KCNAB1: variants seen among roughly 807,000 people sequenced by gnomAD.
The protein encoded by KCNAB1 is voltage-gated potassium channel subunit beta-1.
In KCNAB1, 35 loss-of-function variants were observed where a neutral mutation model predicts 64.6. That is an observed-to-expected ratio of 0.54 (90% confidence interval 0.41 to 0.72). The LOEUF (loss-of-function observed/expected upper bound fraction) is 0.72. Among genes scored for constraint, KCNAB1 ranks in the 30% least tolerant of loss-of-function variants. KCNAB1 has a pLI of 0.00. For synonymous variants in KCNAB1, 177 were observed against 183.8 expected, an observed-to-expected ratio of 0.96 and a Z score of 0.30; for missense variants, 401 against 512.9, an observed-to-expected ratio of 0.78 and a Z score of 2.11.
intron 2 of KCNAB1, among the ~76,000 whole-genome samples, chr3:156,443,778 ACACT>A (rs1488972206): frequency 6.9e-5 from 10 of 144,208 alleles, no homozygotes; most frequent in African/African-American, 2.2e-4. Context: ...ACACACACAC[ACACT>A]ATTCTTTACT....
chr3:156,260,105 G>A (rs1387944274), intron 1 of KCNAB1, among the ~76,000 whole-genome samples: 2 of 152,076 alleles, frequency 1.3e-5, no homozygotes, highest in Non-Finnish European at 2.9e-5. Flanking sequence ...TTCTGTCTAG[G>A]ACTTCCCAGA....
intron 1 of KCNAB1, among the ~76,000 whole-genome samples, chr3:156,404,149 G>A (rs776351629): frequency 1.1e-4 from 16 of 152,314 alleles, no homozygotes; most frequent in East Asian, 1.9e-4. Flanking sequence ...CAAGTTTAAA[G>A]TGAAATTACT....
chr3:156,354,500 G>GC (rs1725100792), intron 1 of KCNAB1, among the ~76,000 whole-genome samples: 1 of 151,918 alleles, frequency 6.6e-6, no homozygotes, highest in Non-Finnish European at 1.5e-5. Context: ...AAATCACCGG[G>GC]CCCGAACACA....
At chr3:156,176,405 G>C in intron 1 of KCNAB1, 2 of 784,180 alleles carry the variant, frequency 2.6e-6, no homozygotes, top group Non-Finnish European at 4.7e-6. Flanking sequence ...CTGTGCCATC[G>C]TCACTGCTAG....
intron 1 of KCNAB1, among the ~76,000 whole-genome samples, chr3:156,286,639 T>C (rs1332410980): frequency 6.6e-6 from 1 of 152,236 alleles, no homozygotes; most frequent in South Asian, 2.1e-4. Context: ...TTTGAAAATG[T>C]TGGTAAAAGA....
chr3:156,438,176 G>T lies in KCNAB1; in HGVS notation c.320-14723G>T, dbSNP rs16826154. 9.6e-3 allele frequency among the ~76,000 whole-genome samples: 1,459 copies of T among 152,280 alleles called. 13 individuals are homozygous for T. Among genetic ancestry groups the T allele is most frequent in the African/African-American group, 0.034 (1,397 of 41,550 alleles). On this transcript the variant is annotated intron_variant, in intron 2 of 13. Transcript: ENST00000490337. ...TGGCTTCCTGTGCAGCTGAAAGGTGGCCTGGCTCCCCACCTAAGTTACTTG... is the reference window on the plus strand; with the variant it reads ...TGGCTTCCTGTGCAGCTGAAAGGTGTCCTGGCTCCCCACCTAAGTTACTTG...
intron 2 of KCNAB1, 31 bp downstream of exon 2, chr3:156,421,690 G>C: frequency 6.2e-7 from 1 of 1,608,790 alleles, no homozygotes; most frequent in African/African-American, 1.3e-5. Flanking sequence ...CTGGGGGTGG[G>C]CTGGAAGGTG....
intron 4 of KCNAB1, among the ~76,000 whole-genome samples, chr3:156,458,304 C>G (rs1712608401): frequency 6.6e-6 from 1 of 152,174 alleles, no homozygotes; most frequent in Admixed American, 6.5e-5. Flanking sequence ...CCCAGCCTAA[C>G]CAGCACATTT....
intron 1 of KCNAB1, among the ~76,000 whole-genome samples, chr3:156,289,878 T>C (rs1720297286): frequency 6.6e-6 from 1 of 152,202 alleles, no homozygotes; most frequent in South Asian, 2.1e-4. Context: ...ATCACGTAGA[T>C]AGATTGTGTG....
At chr3:156,345,456 C>T (rs1223850756) in intron 1 of KCNAB1, among the ~76,000 whole-genome samples, 1 of 152,162 alleles carries the variant, frequency 6.6e-6, no homozygotes, top group Non-Finnish European at 1.5e-5. Context: ...TTATGGCCTA[C>T]AAAGCTAAAG....
At chr3:156,155,338 A>G (rs1314036944) in intron 1 of KCNAB1, among the ~76,000 whole-genome samples, 2 of 152,192 alleles carry the variant, frequency 1.3e-5, no homozygotes, top group African/African-American at 2.4e-5. Flanking sequence ...TCTGCTTTTT[A>G]AAGGATTTAA....
At chr3:156,445,502 C>A (rs957035296) in intron 2 of KCNAB1, among the ~76,000 whole-genome samples, 6 of 152,128 alleles carry the variant, frequency 3.9e-5, no homozygotes, top group Admixed American at 2.6e-4. Flanking sequence ...TTTATATCCC[C>A]CCAGGATATT....
chr3:156,310,521 C>T (rs1721817277), intron 1 of KCNAB1, among the ~76,000 whole-genome samples: 2 of 152,168 alleles, frequency 1.3e-5, no homozygotes, highest in Non-Finnish European at 2.9e-5. Context: ...ATCAGCTTAC[C>T]TGCTGGGCAT....
intron 1 of KCNAB1, among the ~76,000 whole-genome samples, chr3:156,397,654 T>C (rs945508682): frequency 6.6e-6 from 1 of 152,112 alleles, no homozygotes; most frequent in East Asian, 1.9e-4. Flanking sequence ...TTACTTTACT[T>C]TGGTGTATTA....
At chr3:156,405,387 G>C (rs1353409962) in intron 1 of KCNAB1, among the ~76,000 whole-genome samples, 1 of 152,146 alleles carries the variant, frequency 6.6e-6, no homozygotes, top group Non-Finnish European at 1.5e-5. Context: ...TCTTCACAAG[G>C]GTTCGTCTTA....
At chr3:156,400,099 C>T (rs1215088722) in intron 1 of KCNAB1, among the ~76,000 whole-genome samples, 2 of 152,106 alleles carry the variant, frequency 1.3e-5, no homozygotes, top group East Asian at 3.8e-4. Flanking sequence ...GTGAGCCTTT[C>T]ATTTGTTTTC....
At chr3:156,426,841 G>GA (rs938301866) in intron 2 of KCNAB1, among the ~76,000 whole-genome samples, 2 of 151,762 alleles carry the variant, frequency 1.3e-5, no homozygotes, top group Non-Finnish European at 1.5e-5. Flanking sequence ...CTACATTTTG[G>GA]AAAAAAAATT....
intron 1 of KCNAB1, among the ~76,000 whole-genome samples, chr3:156,241,220 T>C (rs1211142810): frequency 6.6e-6 from 1 of 152,234 alleles, no homozygotes; most frequent in African/African-American, 2.4e-5. Context: ...TTCCTTCTTT[T>C]TGTTTCTTTC....
intron 1 of KCNAB1, among the ~76,000 whole-genome samples, chr3:156,265,304 C>G (rs1348419969): frequency 6.6e-6 from 1 of 152,168 alleles, no homozygotes; most frequent in African/African-American, 2.4e-5. Context: ...CCACAACTTG[C>G]ATGTTTATAG....
Sources: allele counts gnomAD v4.1 joint callset (sites outside exome capture counted in the v4.1 genomes callset), GRCh38; gene constraint gnomAD v4.1.1; transcripts MANE v1.5; gene names NCBI Gene and HGNC (gene_info 2026-07-23, HGNC 2026-07-21).